The following EGFLAM variants were observed in gnomAD, a reference collection of about 807,000 sequenced individuals.
EGFLAM encodes pikachurin.
Under a neutral mutation model 113.1 loss-of-function variants are expected in EGFLAM, and 79 were observed. That is an observed-to-expected ratio of 0.70 (90% confidence interval 0.58 to 0.84). The LOEUF (loss-of-function observed/expected upper bound fraction) is 0.84, where lower values mean the gene tolerates loss of function less well. EGFLAM is among the 40% of genes least tolerant of loss of function. The pLI is 0.00. For missense variants in EGFLAM, 1,265 were observed against 1,291.6 expected, an observed-to-expected ratio of 0.98 and a Z score of 0.32; for synonymous variants, 504 against 487.6, an observed-to-expected ratio of 1.03 and a Z score of -0.44.
intron 12 of EGFLAM, 147 bp downstream of exon 12, chr5:38,418,402 C>T (rs1288664777): frequency 9.7e-6 from 10 of 1,027,580 alleles, no homozygotes; most frequent in Non-Finnish European, 9.7e-6. Context: ...GGGAGGTGGG[C>T]CTCAGGGGTG....
At chr5:38,305,855 G>T (rs150808143) in intron 1 of EGFLAM, among the ~76,000 whole-genome samples, 1 of 152,324 alleles carries the variant, frequency 6.6e-6, no homozygotes, top group Non-Finnish European at 1.5e-5. Flanking sequence ...CACCAAGGCA[G>T]TAGGACAGAC....
chr5:38,392,565 C>T (rs1740839827), intron 6 of EGFLAM, among the ~76,000 whole-genome samples: 1 of 151,892 alleles, frequency 6.6e-6, no homozygotes, highest in African/African-American at 2.4e-5. Context: ...CTAATATACA[C>T]TCCCACCAAC....
chr5:38,293,653 G>GT (rs1268809451), intron 1 of EGFLAM, among the ~76,000 whole-genome samples: 1 of 152,028 alleles, frequency 6.6e-6, no homozygotes, highest in Non-Finnish European at 1.5e-5. Context: ...GTTTTATAGG[G>GT]TTATATATAG....
intron 1 of EGFLAM, among the ~76,000 whole-genome samples, chr5:38,312,404 G>C (rs2111864232): frequency 6.6e-6 from 1 of 152,130 alleles, no homozygotes; most frequent in African/African-American, 2.4e-5. Context: ...ACCTCGCCTG[G>C]CTAATTTTTT....
intron 1 of EGFLAM, among the ~76,000 whole-genome samples, chr5:38,329,493 G>T (rs1316693379): frequency 2.0e-5 from 3 of 152,022 alleles, no homozygotes. Flanking sequence ...CCAACTTCGT[G>T]GGTGGTCAAG....
chr5:38,337,720 C>T (rs1739226011), intron 2 of EGFLAM, 91 bp downstream of exon 2: 4 of 1,078,148 alleles, frequency 3.7e-6, no homozygotes, highest in Non-Finnish European at 5.4e-6. Flanking sequence ...ATCTGTCCTT[C>T]CATATCAATA....
intron 1 of EGFLAM, among the ~76,000 whole-genome samples, chr5:38,299,338 G>T (rs1397753539): frequency 6.6e-6 from 1 of 152,176 alleles, no homozygotes; most frequent in Non-Finnish European, 1.5e-5. Flanking sequence ...CTTACATATA[G>T]AAGCCACAGC....
intron 1 of EGFLAM, among the ~76,000 whole-genome samples, chr5:38,304,065 G>A (rs890081640): frequency 2.6e-5 from 4 of 151,862 alleles, no homozygotes; most frequent in Admixed American, 6.6e-5. Flanking sequence ...GGAGGCGAAG[G>A]TTGTAGTGAG....
Position 38,409,049 on chromosome 5 carries a change from C to T in EGFLAM, c.1294C>T (p.His432Tyr). 1 of 1,595,486 alleles carries T rather than the reference C, an allele frequency of 6.3e-7. No individual in the cohort carries two copies. The highest frequency in any genetic ancestry group is 8.5e-7 in the Non-Finnish European group (1 of 1,169,952). Residue 432 changes from histidine (H) to tyrosine (Y), a missense_variant, in exon 10 of 22, where the codon CAC (histidine) becomes TAC (tyrosine). By Grantham distance (83) the His-to-Tyr change is moderately conservative. Coordinates refer to ENST00000322350, the MANE Select transcript of EGFLAM (RefSeq NM_152403.4). ...GLLLYCGENEHGRGDFMSLAI... is the reference protein window; with the variant it reads ...GLLLYCGENEYGRGDFMSLAI... ...ACTGCTCTACTGTGGGGAGAACGAA[C>T]ACGGGAGGGGGGATTTCATGTCCCT...
intron 1 of EGFLAM, among the ~76,000 whole-genome samples, chr5:38,264,543 G>A (rs1236558836): frequency 6.6e-6 from 1 of 152,176 alleles, no homozygotes; most frequent in Non-Finnish European, 1.5e-5. Context: ...TGGCTAAGGG[G>A]CAGTGGCCAG....
chr5:38,385,247 G>A (rs1740624593), intron 6 of EGFLAM, among the ~76,000 whole-genome samples: 1 of 149,800 alleles, frequency 6.7e-6, no homozygotes, highest in South Asian at 2.1e-4. Flanking sequence ...CTGTATTCAT[G>A]GAGAATTGAT....
chr5:38,351,187 C>A (rs1739614073), intron 4 of EGFLAM, among the ~76,000 whole-genome samples: 1 of 150,982 alleles, frequency 6.6e-6, no homozygotes, highest in Non-Finnish European at 1.5e-5. Flanking sequence ...TGGCTCACTG[C>A]AACCTCCACC....
chr5:38,325,284 T>C (rs1003854551), intron 1 of EGFLAM, among the ~76,000 whole-genome samples: 3 of 152,204 alleles, frequency 2.0e-5, no homozygotes, highest in Non-Finnish European at 4.4e-5. Flanking sequence ...TTTCTTCATC[T>C]GTAAAGTGGG....
intron 14 of EGFLAM, among the ~76,000 whole-genome samples, chr5:38,428,153 CAG>C (rs1314831044): frequency 6.6e-6 from 1 of 152,160 alleles, no homozygotes; most frequent in Non-Finnish European, 1.5e-5. Flanking sequence ...TGCCCTGTAA[CAG>C]GGTATCAGTT....
intron 1 of EGFLAM, among the ~76,000 whole-genome samples, chr5:38,307,288 A>G (rs1057302129): frequency 1.3e-5 from 2 of 152,168 alleles, no homozygotes; most frequent in African/African-American, 2.4e-5. Flanking sequence ...CCCAAATCTC[A>G]TCTTGAATTG....
chr5:38,329,469 C>T (rs1370874817), intron 1 of EGFLAM, among the ~76,000 whole-genome samples: 4 of 152,126 alleles, frequency 2.6e-5, no homozygotes, highest in Admixed American at 1.3e-4. Context: ...CACCAGCTGC[C>T]GGCAACCACA....
intron 1 of EGFLAM, among the ~76,000 whole-genome samples, chr5:38,299,884 G>A (rs1289957728): frequency 1.3e-5 from 2 of 152,094 alleles, no homozygotes; most frequent in Non-Finnish European, 1.5e-5. Context: ...TATGTGCTGG[G>A]CAGTGTTTTT....
rs1739542516 is a variant in EGFLAM, at chr5:38,348,851, G to C, written c.292-1650G>C. ...AGATGGGGCAGTTCAGGGCCTGAGA[G>C]ATGAGCCAAGCTCTGGAACAGCAGT... On this transcript the variant is annotated intron_variant, in intron 3 of 21. Transcript: ENST00000322350. Among the ~76,000 whole-genome samples, 3 of 152,158 alleles carry C rather than the reference G, an allele frequency of 2.0e-5. No individual in the cohort carries two copies. The South Asian group carries it at 6.2e-4, about 32-fold the overall frequency.
intron 6 of EGFLAM, among the ~76,000 whole-genome samples, chr5:38,372,839 C>CAA (rs1740260561): frequency 6.6e-6 from 1 of 152,150 alleles, no homozygotes; most frequent in Non-Finnish European, 1.5e-5. Flanking sequence ...CGTGGTTTTT[C>CAA]TCCTTGATCA....
Sources: allele counts gnomAD v4.1 joint callset (sites outside exome capture counted in the v4.1 genomes callset), GRCh38; gene constraint gnomAD v4.1.1; transcripts MANE v1.5; gene names NCBI Gene and HGNC (gene_info 2026-07-23, HGNC 2026-07-21).